The following PLPPR1 variants were observed in gnomAD, a reference collection of about 807,000 sequenced individuals.
PLPPR1 encodes the protein phospholipid phosphatase related 1, also known as phospholipid phosphatase-related protein type 1.
PLPPR1 carries 10 observed loss-of-function variants against 33.1 expected under a neutral mutation model. The observed-to-expected ratio is 0.30, with a 90% CI of 0.19 to 0.51. The LOEUF (loss-of-function observed/expected upper bound fraction) is 0.51. Among genes scored for constraint, PLPPR1 ranks in the 20% least tolerant of loss-of-function variants. The pLI, the probability that PLPPR1 is intolerant of heterozygous loss-of-function variation, is 0.97. For missense variants in PLPPR1, 304 were observed against 408.1 expected (o/e 0.74, Z 2.20); for synonymous variants, 151 against 151.0 (o/e 1.00, Z 0.00).
intron 6 of PLPPR1, 127 bp downstream of exon 6, chr9:101,313,101 C>A: frequency 1.2e-6 from 1 of 804,268 alleles, no homozygotes; most frequent in Non-Finnish European, 2.0e-6. Flanking sequence ...AATTATTCTC[C>A]AAGTATTATA....
intron 3 of PLPPR1, among the ~76,000 whole-genome samples, chr9:101,277,310 T>C (rs920354260): frequency 2.0e-5 from 3 of 152,182 alleles, no homozygotes; most frequent in Admixed American, 6.5e-5. Context: ...ATCTAGAGTG[T>C]GGGCAAAATC....
In PLPPR1 at chr9:101,204,270, A is replaced by G. The variant is rs368730007; in HGVS notation, c.63+18713A>G. 9.2e-5 allele frequency among the ~76,000 whole-genome samples: 14 copies of G among 152,274 alleles called. 1 individual carries two copies. The South Asian group carries it at 1.0e-3, about 11-fold the overall frequency. ...GTAGGGCTCACCTGCCCCAACCTCT[A>G]TTTCCTAGAGGACTTTATGTCACAC... On this transcript the variant is annotated intron_variant, in intron 2 of 7. Coordinates refer to ENST00000374874, the MANE Select transcript of PLPPR1 (RefSeq NM_207299.2).
At position 101,173,310 on chromosome 9, in the gene PLPPR1, G is replaced by A. The variant is rs148242627; in HGVS notation, c.-45-12140G>A. The stretch of plus-strand genomic sequence containing the variant: ...AAGACTAAGTTTAATAGTTAATGAA[G>A]CTGCTAGAGTTTTACTTTTTCAGGC... On this transcript the variant is annotated intron_variant, in intron 1 of 7. Coordinates refer to ENST00000374874, the MANE Select transcript of PLPPR1 (RefSeq NM_207299.2). 6.1e-4 allele frequency among the ~76,000 whole-genome samples: 93 copies of A among 152,202 alleles called. 1 individual carries two copies. Among genetic ancestry groups the A allele is most frequent in the African/African-American group, 2.0e-3 (85 of 41,538 alleles).
In PLPPR1 at chr9:101,223,166, AAAAAAAG is replaced by A. The variant is rs1443901890; in HGVS notation, c.63+37614_63+37620del. Among the ~76,000 whole-genome samples, 4 of 111,290 alleles carry A rather than the reference AAAAAAAG, an allele frequency of 3.6e-5. No homozygotes were observed. The East Asian group carries it at 1.1e-3, about 29-fold the overall frequency. 73.0% of individuals were successfully genotyped at this position (111,290 alleles called of 152,430 possible). A position where few individuals can be genotyped will look rare whatever the true frequency, so the allele number is the denominator to read the frequency against. ...ATCTCTACAAAAAAAAAAAAAAAAA[AAAAAAAG>A]AAAAGAAAAATTTTTAGCTGGGCAC... On this transcript the variant is annotated intron_variant, in intron 2 of 7. Coordinates refer to ENST00000374874, the MANE Select transcript of PLPPR1 (RefSeq NM_207299.2).
intron 1 of PLPPR1, among the ~76,000 whole-genome samples, chr9:101,112,321 G>A (rs1376357462): frequency 2.6e-5 from 4 of 152,106 alleles, no homozygotes; most frequent in African/African-American, 9.7e-5. Context: ...TAAAAAGTGA[G>A]TACAGAAGGA....
At chr9:101,178,701 T>C (rs1340827667) in intron 1 of PLPPR1, among the ~76,000 whole-genome samples, 6 of 152,266 alleles carry the variant, frequency 3.9e-5, no homozygotes, top group East Asian at 3.9e-4. Flanking sequence ...AATGCCAACT[T>C]GGTGACAATA....
Position 101,232,865 on chromosome 9 carries a change from C to T in PLPPR1, c.64-37015C>T, listed in dbSNP as rs534572215. Among the ~76,000 whole-genome samples, 3 of 152,000 alleles carry T rather than the reference C, an allele frequency of 2.0e-5. No homozygotes were observed. The South Asian group carries it at 6.2e-4, about 32-fold the overall frequency. On this transcript the variant is annotated intron_variant, in intron 2 of 7. Transcript: ENST00000374874. ...ACGAGGGGCTTTTAAAGAAAATGTC[C>T]GGTTGTTCATAGGTACCTAAAGACT...
intron 1 of PLPPR1, among the ~76,000 whole-genome samples, chr9:101,174,495 G>A (rs1336149460): frequency 6.6e-6 from 1 of 152,142 alleles, no homozygotes; most frequent in Non-Finnish European, 1.5e-5. Flanking sequence ...AGTAGGTCAT[G>A]GAGACCCTTT....
chr9:101,035,272 G>C (rs956141363), intron 1 of PLPPR1, among the ~76,000 whole-genome samples: 10 of 152,186 alleles, frequency 6.6e-5, no homozygotes, highest in African/African-American at 2.4e-4. Flanking sequence ...TGGAAACTCT[G>C]TCATCTAGCT....
intron 1 of PLPPR1, among the ~76,000 whole-genome samples, chr9:101,096,963 G>A (rs939000634): frequency 1.8e-4 from 27 of 152,108 alleles, no homozygotes; most frequent in African/African-American, 6.0e-4. Context: ...CTACAAGGGA[G>A]TCTAAAGTGG....
intron 1 of PLPPR1, among the ~76,000 whole-genome samples, chr9:101,136,602 G>T (rs1371387396): frequency 1.3e-5 from 2 of 152,032 alleles, no homozygotes; most frequent in Non-Finnish European, 2.9e-5. Context: ...GGTCAATAAG[G>T]TCAGCATATG....
intron 1 of PLPPR1, among the ~76,000 whole-genome samples, chr9:101,100,069 G>T (rs1471326751): frequency 1.3e-5 from 2 of 152,064 alleles, no homozygotes; most frequent in Admixed American, 1.3e-4. Context: ...TACGGTCAGA[G>T]GGGCTCATCA....
chr9:101,148,161 T>G (rs901116591), intron 1 of PLPPR1, among the ~76,000 whole-genome samples: 1 of 152,118 alleles, frequency 6.6e-6, no homozygotes, highest in Non-Finnish European at 1.5e-5. Context: ...TACTCTCTCC[T>G]CTGGAATGTA....
intron 1 of PLPPR1, among the ~76,000 whole-genome samples, chr9:101,088,562 T>A (rs1564141255): frequency 2.0e-5 from 3 of 152,054 alleles, no homozygotes; most frequent in South Asian, 2.1e-4. Flanking sequence ...TCCTTTCTTT[T>A]AAAAAAAATA....
At chr9:101,109,226 G>A (rs960347917) in intron 1 of PLPPR1, among the ~76,000 whole-genome samples, 6 of 149,566 alleles carry the variant, frequency 4.0e-5, no homozygotes, top group South Asian at 2.1e-4. Flanking sequence ...CGCCGGCCTC[G>A]GCCTCCCAAA....
intron 1 of PLPPR1, among the ~76,000 whole-genome samples, chr9:101,083,400 A>G (rs1041902247): frequency 6.6e-6 from 1 of 152,066 alleles, no homozygotes; most frequent in Non-Finnish European, 1.5e-5. Context: ...AAAAAAAAAA[A>G]AAAAAAGTTA....
intron 7 of PLPPR1, among the ~76,000 whole-genome samples, chr9:101,319,798 G>C (rs1470394145): frequency 6.6e-6 from 1 of 152,128 alleles, no homozygotes; most frequent in East Asian, 1.9e-4. Context: ...GTGGTAAAAT[G>C]AAAACAAGTG....
intron 1 of PLPPR1, among the ~76,000 whole-genome samples, chr9:101,146,402 TG>T (rs1831522497): frequency 6.6e-6 from 1 of 152,204 alleles, no homozygotes; most frequent in African/African-American, 2.4e-5. Context: ...TGGAGGCCCA[TG>T]TAGTGGAAAG....
At chr9:101,058,607 A>G (rs1588010880) in intron 1 of PLPPR1, among the ~76,000 whole-genome samples, 1 of 152,190 alleles carries the variant, frequency 6.6e-6, no homozygotes, top group East Asian at 1.9e-4. Flanking sequence ...GATATAGGCA[A>G]AATAGCATTT....
Sources: gnomAD v4.1 joint callset for allele counts (sites outside exome capture counted in the v4.1 genomes callset) on GRCh38, gnomAD v4.1.1 for gene constraint, MANE v1.5 for transcripts, NCBI Gene and HGNC (gene_info 2026-07-23, HGNC 2026-07-21) for gene names.